ROBO1: variants seen among roughly 807,000 people sequenced by gnomAD.
ROBO1 encodes roundabout guidance receptor 1.
Under a neutral mutation model 195.9 loss-of-function variants are expected in ROBO1, and 149 were observed. That is an observed-to-expected ratio of 0.76 (90% CI 0.67 to 0.87). ROBO1 has a LOEUF of 0.87. Ranked by LOEUF, ROBO1 falls within the 40% of genes least tolerant of loss-of-function variation. The probability of loss-of-function intolerance (pLI) is 0.00; values close to 1 mark genes in which losing one functional copy is unlikely to be tolerated. For synonymous variants in ROBO1, 816 were observed against 733.2 expected (o/e 1.11, Z -1.82); for missense variants, 1,933 against 2,068.3 (o/e 0.93, Z 1.27).
chr3:79,615,845 A>C (rs2107946504), intron 1 of ROBO1, among the ~76,000 whole-genome samples: 1 of 152,344 alleles, frequency 6.6e-6, no homozygotes, highest in Admixed American at 6.5e-5. Context: ...ATTTTACCGT[A>C]TAAAAATAGT....
chr3:79,333,331 G>A (rs889006117), intron 2 of ROBO1, among the ~76,000 whole-genome samples: 8 of 151,668 alleles, frequency 5.3e-5, no homozygotes, highest in Admixed American at 2.0e-4. Flanking sequence ...AAACACATGC[G>A]CAACCATGTA....
chr3:79,609,204 C>G (rs183122499), intron 1 of ROBO1, among the ~76,000 whole-genome samples: 1 of 151,744 alleles, frequency 6.6e-6, no homozygotes, highest in Admixed American at 6.6e-5. Flanking sequence ...TTTAAAAAGG[C>G]CCGCCTTACC....
At chr3:79,423,111 TA>T (rs970820937) in intron 2 of ROBO1, among the ~76,000 whole-genome samples, 4 of 152,116 alleles carry the variant, frequency 2.6e-5, no homozygotes, top group African/African-American at 9.7e-5. Context: ...ACTACCATGT[TA>T]AAAAGACAGC....
At chr3:79,289,622 C>T (rs2109023644) in intron 2 of ROBO1, among the ~76,000 whole-genome samples, 1 of 152,276 alleles carries the variant, frequency 6.6e-6, no homozygotes, top group Admixed American at 6.5e-5. Context: ...TAATTCTCAA[C>T]AGCTGAGCTG....
chr3:79,301,645 T>C (rs1576945633), intron 2 of ROBO1, among the ~76,000 whole-genome samples: 1 of 152,258 alleles, frequency 6.6e-6, no homozygotes, highest in Admixed American at 6.5e-5. Context: ...CTAATAAATG[T>C]CCCAGATTAA....
chr3:78,792,938 A>C (rs2084067568), intron 4 of ROBO1, among the ~76,000 whole-genome samples: 1 of 151,958 alleles, frequency 6.6e-6, no homozygotes, highest in Admixed American at 6.6e-5. Context: ...CCTCTCTACT[A>C]AAAATAAAAT....
At chr3:78,740,067 G>C (rs59698651) in intron 5 of ROBO1, among the ~76,000 whole-genome samples, 32,936 of 152,108 alleles carry the variant, frequency 0.22, 4,498 homozygotes, top group East Asian at 0.53. Flanking sequence ...TGACAAGATT[G>C]TTGGCAGGAT....
chr3:79,668,064 C>A (rs2106878823), intron 1 of ROBO1, among the ~76,000 whole-genome samples: 1 of 151,814 alleles, frequency 6.6e-6, no homozygotes, highest in East Asian at 2.0e-4. Context: ...TAATGGCAAT[C>A]CTTATGTGAT....
intron 19 of ROBO1, among the ~76,000 whole-genome samples, chr3:78,651,024 G>A (rs1046814235): frequency 1.3e-5 from 2 of 152,146 alleles, no homozygotes; most frequent in Admixed American, 6.6e-5. Flanking sequence ...AGTCTTCAGA[G>A]TTTAAGGATA....
intron 2 of ROBO1, among the ~76,000 whole-genome samples, chr3:79,582,503 C>G (rs1327647150): frequency 1.3e-5 from 2 of 151,974 alleles, no homozygotes; most frequent in East Asian, 3.9e-4. Context: ...GATTGACTAT[C>G]TCATTGACAC....
rs565792351 is a variant in ROBO1 at position 79,595,478 on chromosome 3, T to C, written c.-50-5517A>G. Among the ~76,000 whole-genome samples, 4 of 152,100 alleles carry C rather than the reference T, an allele frequency of 2.6e-5. No individual in the cohort carries two copies. The South Asian group carries it at 8.3e-4, about 32-fold the overall frequency. ...GGTGGCTCTCTTCTTTTCTTACATA[T>C]TTGGAAGGACAGTAACTGTTAAAGG... On this transcript the variant is annotated intron_variant, in intron 1 of 30. Transcript: ENST00000464233.
intron 8 of ROBO1, among the ~76,000 whole-genome samples, chr3:78,699,572 G>A (rs1317494565): frequency 6.7e-6 from 1 of 148,944 alleles, no homozygotes; most frequent in Non-Finnish European, 1.5e-5. Context: ...CCATCTCCAA[G>A]TAATAATAAT....
At chr3:79,113,036 A>G (rs939501692) in intron 3 of ROBO1, among the ~76,000 whole-genome samples, 6 of 152,176 alleles carry the variant, frequency 3.9e-5, no homozygotes, top group Non-Finnish European at 8.8e-5. Flanking sequence ...CCCTCACTCA[A>G]TGCAGAAGCT....
intron 2 of ROBO1, among the ~76,000 whole-genome samples, chr3:79,244,549 A>C (rs1190792842): frequency 1.3e-5 from 2 of 152,142 alleles, no homozygotes; most frequent in Non-Finnish European, 2.9e-5. Context: ...GCTTTTGTGA[A>C]AAACAGTTGT....
At chr3:78,783,432 TTTTC>T (rs1476060616) in intron 4 of ROBO1, among the ~76,000 whole-genome samples, 3 of 152,320 alleles carry the variant, frequency 2.0e-5, no homozygotes, top group Middle Eastern at 3.4e-3. Flanking sequence ...ATCAATTTAA[TTTTC>T]TTTCTAATAA....
At chr3:79,679,740 T>G (rs535683417) in intron 1 of ROBO1, among the ~76,000 whole-genome samples, 1 of 152,064 alleles carries the variant, frequency 6.6e-6, no homozygotes, top group Non-Finnish European at 1.5e-5. Context: ...CAAAATTGCA[T>G]TTGTACCCCT....
At chr3:79,350,862 A>G (rs2035314586) in intron 2 of ROBO1, among the ~76,000 whole-genome samples, 1 of 152,082 alleles carries the variant, frequency 6.6e-6, no homozygotes, top group Non-Finnish European at 1.5e-5. Flanking sequence ...TATGTTGCCC[A>G]GGATTGAGTG....
At chr3:79,574,324 CTGTT>C (rs1943377340) in intron 2 of ROBO1, among the ~76,000 whole-genome samples, 2 of 152,066 alleles carry the variant, frequency 1.3e-5, no homozygotes, top group South Asian at 2.1e-4. Context: ...ACATTACTAT[CTGTT>C]TGTGTTTTTC....
At chr3:78,626,497 A>T (rs1331225471) in intron 26 of ROBO1, among the ~76,000 whole-genome samples, 4 of 152,126 alleles carry the variant, frequency 2.6e-5, no homozygotes, top group South Asian at 2.1e-4. Flanking sequence ...TATCAAAGGA[A>T]CCTCTTCTGA....
Sources: gnomAD v4.1 joint callset for allele counts (sites outside exome capture counted in the v4.1 genomes callset) on GRCh38, gnomAD v4.1.1 for gene constraint, MANE v1.5 for transcripts, NCBI Gene and HGNC (gene_info 2026-07-23, HGNC 2026-07-21) for gene names.